Variants in NTRK1 observed in about 807,000 individuals in gnomAD.
The protein encoded by NTRK1 is neurotrophic receptor tyrosine kinase 1, also known as high affinity nerve growth factor receptor.
NTRK1 carries 62 observed loss-of-function variants against 86.8 expected under a neutral mutation model. The ratio of observed to expected loss-of-function variants is 0.71; its 90% CI spans 0.58 to 0.88. The LOEUF is 0.88. NTRK1 is among the 40% of genes least tolerant of loss of function. The pLI is 0.00. For missense variants in NTRK1, 967 were observed against 1,078.4 expected (o/e 0.90, Z 1.45); for synonymous variants, 469 against 456.6 (o/e 1.03, Z -0.35).
rs2102910241 is a variant in NTRK1, at chr1:156,874,621, T to C, written c.1246T>C (p.Phe416Leu). ...DPVEKKDETPFGVSVAVGLAV... is the reference protein window; with the variant it reads ...DPVEKKDETPLGVSVAVGLAV... ...GGTGGAGAAGAAGGACGAAACACCT[T>C]TTGGGGTGAGATAGGAAGTAGAAGC... The change falls in exon 10 of 17, where the codon TTT becomes CTT. Residue 416 changes from phenylalanine to leucine, a missense_variant. Physicochemically the swap from Phe to Leu is conservative, Grantham distance 22 (BLOSUM62 0). Transcript: ENST00000524377. 1 of 1,613,556 alleles carries C rather than the reference T, an allele frequency of 6.2e-7. No individual in the cohort carries two copies. Among genetic ancestry groups the C allele is most frequent in the Non-Finnish European group, 8.5e-7 (1 of 1,179,736 alleles).
chr1:156,843,667 A>G (rs1654884013), intron 2 of NTRK1, among the ~76,000 whole-genome samples: 1 of 152,222 alleles, frequency 6.6e-6, no homozygotes, highest in South Asian at 2.1e-4. Flanking sequence ...CCTGGGATCT[A>G]ACAGGGAATA....
At position 156,866,951 on chromosome 1, in the gene NTRK1, C is replaced by G; in HGVS notation, c.401C>G (p.Thr134Ser). The G allele has an allele frequency of 1.2e-6, 2 of 1,614,270 alleles. No homozygotes were observed. The highest frequency in any genetic ancestry group is 1.7e-6 in the Non-Finnish European group (2 of 1,180,048). ...GCTCTGGAGTCTCTCTCCTGGAAAACTGTGCAGGGCCTCTCCTTACAGGAA... is the reference window on the plus strand; with the variant it reads ...GCTCTGGAGTCTCTCTCCTGGAAAAGTGTGCAGGGCCTCTCCTTACAGGAA... ...FNALESLSWK[T>S]VQGLSLQELV... Residue 134 changes from threonine to serine, a missense_variant, in exon 4 of 17, where the codon ACT becomes AGT. By Grantham distance (58) the Thr-to-Ser change is moderately conservative. Coordinates refer to ENST00000524377, the MANE Select transcript of NTRK1 (RefSeq NM_002529.4).
intron 2 of NTRK1, chr1:156,844,144 G>A: frequency 6.6e-7 from 1 of 1,506,922 alleles, no homozygotes; most frequent in East Asian, 2.3e-5. Context: ...AGGGAGAAAA[G>A]GGGGTGGGGA....
chr1:156,817,441 T>C (rs1405342437), intron 1 of NTRK1, among the ~76,000 whole-genome samples: 1 of 150,944 alleles, frequency 6.6e-6, no homozygotes, highest in Non-Finnish European at 1.5e-5. Flanking sequence ...ATAATAATAA[T>C]AGTAATAATA....
chr1:156,833,417 C>T lies in NTRK1; in HGVS notation c.-63-8664C>T, dbSNP rs147857783. Among the ~76,000 whole-genome samples the T allele has an allele frequency of 1.7e-3, 266 of 152,234 alleles. 1 individual carries two copies. Among genetic ancestry groups the T allele is most frequent in the East Asian group, 7.1e-3 (37 of 5,178 alleles). ...ACTAAAAATACCAAAATTAGCTGGG[C>T]ATGGTGGCATACCCCTATAATCCCA... is the stretch of plus-strand genomic sequence containing the variant. On this transcript the variant is annotated intron_variant, in intron 1 of 16. Transcript: ENST00000392302.
At chr1:156,823,942 A>T (rs955003771) in intron 1 of NTRK1, among the ~76,000 whole-genome samples, 2 of 152,172 alleles carry the variant, frequency 1.3e-5, no homozygotes, top group Non-Finnish European at 2.9e-5. Flanking sequence ...CGTCCCAAAG[A>T]TCTGCACCCT....
chr1:156,843,528 A>T, intron 2 of NTRK1: 1 of 1,547,158 alleles, frequency 6.5e-7, no homozygotes, highest in Non-Finnish European at 8.9e-7. Context: ...TCAGGAAGGA[A>T]TGAGCAACAT....
At chr1:156,837,818 C>T (rs1004687207) in intron 1 of NTRK1, 1 of 152,206 alleles carries the variant, frequency 6.6e-6, no homozygotes, top group African/African-American at 2.4e-5. Flanking sequence ...GGGCAAGGTC[C>T]AAAGTGTCTA....
chr1:156,820,359 A>G (rs1654151341), intron 1 of NTRK1, among the ~76,000 whole-genome samples: 1 of 152,056 alleles, frequency 6.6e-6, no homozygotes, highest in South Asian at 2.1e-4. Flanking sequence ...TGATCTTCTC[A>G]CCTTAGTCTC....
chr1:156,845,741 C>G, intron 2 of NTRK1: 1 of 1,613,690 alleles, frequency 6.2e-7, no homozygotes, highest in Non-Finnish European at 8.5e-7. Flanking sequence ...AGCAGTCGGA[C>G]TCCATCTCGG....
chr1:156,830,180 T>G (rs115100156), intron 1 of NTRK1, among the ~76,000 whole-genome samples: 2 of 152,204 alleles, frequency 1.3e-5, no homozygotes, highest in African/African-American at 2.4e-5. Context: ...TTGATACACA[T>G]TGTGATCACT....
chr1:156,859,697 C>T (rs1241674398), upstream of NTRK1, among the ~76,000 whole-genome samples: 2 of 152,110 alleles, frequency 1.3e-5, no homozygotes, highest in East Asian at 1.9e-4. This position sits in a 1 kb window ranked among gnomAD's most constrained non-coding sequence, Gnocchi z 6.2. Flanking sequence ...GCTCAGGCTG[C>T]TCGGTCGGTC....
rs193151656 is a variant in NTRK1 at position 156,875,303 on chromosome 1, G to C, written c.1355-217G>C. Among the ~76,000 whole-genome samples, 76 of 152,120 alleles carry C rather than the reference G, an allele frequency of 5.0e-4. 1 individual carries two copies. The East Asian group carries it at 0.014, about 29-fold the overall frequency. ...GGTCTGGGCTCTGTGGGGGTGGAGG[G>C]GGAGTTCTTTGGTGCCCATGGGGCC... On this transcript the variant is annotated intron_variant, in intron 11 of 16. Transcript: ENST00000524377.
intron 1 of NTRK1, among the ~76,000 whole-genome samples, chr1:156,838,163 C>T (rs1333478034): frequency 6.6e-6 from 1 of 152,062 alleles, no homozygotes; most frequent in Non-Finnish European, 1.5e-5. Flanking sequence ...CTGGGCCTCT[C>T]TCCCCAGAGA....
At chr1:156,831,732 A>C in intron 1 of NTRK1, among the ~76,000 whole-genome samples, 1 of 152,214 alleles carries the variant, frequency 6.6e-6, no homozygotes, top group East Asian at 1.9e-4. Flanking sequence ...AGCTGAAGGT[A>C]TCACAGGAAC....
Position 156,845,875 on chromosome 1 carries a change from C to G in NTRK1, c.50+3682C>G, listed in dbSNP as rs577172324. 7 of 1,599,942 alleles carry G rather than the reference C, an allele frequency of 4.4e-6. No homozygotes were observed. The East Asian group carries it at 6.8e-5, about 16-fold the overall frequency. On this transcript the variant is annotated intron_variant, in intron 2 of 16. Transcript: ENST00000392302. ...CGGTCTACCCGCCTCTGATCCCCCC[C>G]ACCTGCCGGGGCCCTGCGCCTCCAT...
intron 2 of NTRK1, chr1:156,849,382 G>A (rs372964590): frequency 1.2e-6 from 2 of 1,613,730 alleles, no homozygotes; most frequent in African/African-American, 2.7e-5. Flanking sequence ...TCTTGCCCAC[G>A]GGAATGGTGA....
intron 2 of NTRK1, among the ~76,000 whole-genome samples, chr1:156,847,213 T>C (rs1655044441): frequency 6.6e-6 from 1 of 152,224 alleles, no homozygotes; most frequent in African/African-American, 2.4e-5. Flanking sequence ...CCTCCCAAAC[T>C]ATAGCAAAGT....
intron 3 of NTRK1, chr1:156,865,158 A>G: frequency 3.0e-6 from 1 of 333,538 alleles, no homozygotes; most frequent in South Asian, 3.0e-5. Flanking sequence ...CCAGGGACTC[A>G]TTGACTTGGC....
Sources: gnomAD v4.1 joint callset for allele counts (sites outside exome capture counted in the v4.1 genomes callset) on GRCh38, gnomAD v4.1.1 for gene constraint, Gnocchi (gnomAD v3.1) non-coding constraint, MANE v1.5 for transcripts, NCBI Gene and HGNC (gene_info 2026-07-23, HGNC 2026-07-21) for gene names.